Variants in ATP8A2 observed in about 807,000 individuals in gnomAD.
ATP8A2 encodes the protein ATPase phospholipid transporting 8A2, also known as phospholipid-transporting ATPase IB.
A neutral mutation model predicts 165.6 loss-of-function variants in ATP8A2; 100 were observed. The ratio of observed to expected loss-of-function variants is 0.60; its 90% CI spans 0.51 to 0.71. The LOEUF is 0.71. Ranked by LOEUF, ATP8A2 falls within the 30% of genes least tolerant of loss-of-function variation. The pLI, the probability that ATP8A2 is intolerant of heterozygous loss-of-function variation, is 0.00. For synonymous variants in ATP8A2, 543 were observed against 548.8 expected (o/e 0.99, Z 0.15); for missense variants, 1,227 against 1,479.5 (o/e 0.83, Z 2.80).
intron 24 of ATP8A2, among the ~76,000 whole-genome samples, chr13:25,603,024 A>G (rs1593627043): frequency 1.3e-5 from 2 of 152,090 alleles, no homozygotes; most frequent in African/African-American, 4.8e-5. Flanking sequence ...GTGAGCCGAG[A>G]TCGTGCCACT....
chr13:25,757,519 G>GTGTGTGTGTGTGTT (rs1224724144), intron 25 of ATP8A2, among the ~76,000 whole-genome samples: 6 of 151,974 alleles, frequency 3.9e-5, no homozygotes, highest in African/African-American at 1.5e-4. Context: ...GTGTGTGTGT[G>GTGTGTGTGTGTGTT]TGTGTGCACA....
chr13:25,627,314 G>A (rs2137491088), intron 24 of ATP8A2, among the ~76,000 whole-genome samples: 1 of 152,278 alleles, frequency 6.6e-6, no homozygotes, highest in South Asian at 2.1e-4. Flanking sequence ...GCAGGGCCCT[G>A]TAGAACATGG....
intron 36 of ATP8A2, among the ~76,000 whole-genome samples, chr13:26,015,690 C>T (rs1254869076): frequency 2.6e-5 from 4 of 152,226 alleles, no homozygotes; most frequent in Non-Finnish European, 5.9e-5. Context: ...CCTCCTTTCA[C>T]CTACACGATT....
chr13:25,501,155 C>T (rs1358494571), intron 2 of ATP8A2, among the ~76,000 whole-genome samples: 18 of 152,110 alleles, frequency 1.2e-4, no homozygotes, highest in Non-Finnish European at 1.2e-4. Context: ...ACCTGGGATT[C>T]GTTTTAATCG....
chr13:25,520,259 G>C (rs944096222), intron 2 of ATP8A2, among the ~76,000 whole-genome samples: 3 of 152,146 alleles, frequency 2.0e-5, no homozygotes, highest in African/African-American at 7.2e-5. Context: ...ATATGAGTGA[G>C]AACATGTGAT....
At chr13:25,817,721 A>G (rs753370606) in intron 27 of ATP8A2, among the ~76,000 whole-genome samples, 2 of 149,514 alleles carry the variant, frequency 1.3e-5, no homozygotes, top group Non-Finnish European at 3.0e-5. Flanking sequence ...TTGAGATATG[A>G]TGTCATGGAG....
intron 1 of ATP8A2, chr13:25,468,770 G>C (rs1005703065): frequency 7.4e-4 from 698 of 945,134 alleles, no homozygotes; most frequent in Non-Finnish European, 8.3e-4. Flanking sequence ...GCGTGGGCGT[G>C]GGCGGGGCCG....
At chr13:25,499,865 C>T (rs918861567) in intron 2 of ATP8A2, among the ~76,000 whole-genome samples, 4 of 152,156 alleles carry the variant, frequency 2.6e-5, no homozygotes, top group East Asian at 1.9e-4. Flanking sequence ...GGAAGACCAA[C>T]GGGCAACTCA....
chr13:25,823,697 A>C (rs1951235496), intron 27 of ATP8A2, among the ~76,000 whole-genome samples: 2 of 152,054 alleles, frequency 1.3e-5, no homozygotes, highest in African/African-American at 4.8e-5. Flanking sequence ...AAAACTCATT[A>C]ATTTCTATAG....
At chr13:25,920,422 A>C (rs1350156366) in intron 33 of ATP8A2, among the ~76,000 whole-genome samples, 1 of 152,076 alleles carries the variant, frequency 6.6e-6, no homozygotes. Flanking sequence ...CACACATCCT[A>C]AGCTCGGCAC....
chr13:26,015,943 G>C (rs1200450397), intron 36 of ATP8A2, among the ~76,000 whole-genome samples: 1 of 152,232 alleles, frequency 6.6e-6, no homozygotes, highest in African/African-American at 2.4e-5. Context: ...CTGGGGAGCA[G>C]GTCTGTATCT....
intron 10 of ATP8A2, among the ~76,000 whole-genome samples, chr13:25,547,313 G>C (rs1004734342): frequency 6.6e-6 from 1 of 151,886 alleles, no homozygotes; most frequent in Non-Finnish European, 1.5e-5. Flanking sequence ...GCAAGCTAGT[G>C]AAGCTTCATC....
At chr13:25,534,525 G>T (rs1412903871) in intron 6 of ATP8A2, among the ~76,000 whole-genome samples, 4 of 152,184 alleles carry the variant, frequency 2.6e-5, no homozygotes, top group Admixed American at 2.0e-4. Flanking sequence ...AGAAAATGGA[G>T]TGATGGTCTC....
intron 33 of ATP8A2, among the ~76,000 whole-genome samples, chr13:25,889,575 T>C (rs1421199168): frequency 1.3e-5 from 2 of 151,846 alleles, no homozygotes; most frequent in African/African-American, 4.8e-5. Context: ...TTAGCTCTTT[T>C]CCTGTTAGAT....
chr13:25,951,897 G>T (rs1018741567), intron 33 of ATP8A2, among the ~76,000 whole-genome samples: 12 of 152,152 alleles, frequency 7.9e-5, no homozygotes, highest in Admixed American at 5.9e-4. Context: ...TTAGGTGGTT[G>T]CTCAATCTCA....
chr13:25,645,935 G>A (rs2041659312), intron 24 of ATP8A2, among the ~76,000 whole-genome samples: 1 of 152,050 alleles, frequency 6.6e-6, no homozygotes, highest in Non-Finnish European at 1.5e-5. Context: ...AAGTCCATTA[G>A]GTTTAAAGTG....
In ATP8A2 at chr13:26,025,777, T is replaced by G. The variant is rs973857278; in HGVS notation, c.*5792T>G. The G allele has an allele frequency of 6.6e-6, 1 of 152,290 alleles. No individual in the cohort carries two copies. The highest frequency in any genetic ancestry group is 6.5e-5 in the Admixed American group (1 of 15,292). 9.4% of individuals were successfully genotyped at this position (152,290 alleles called of 1,614,324 possible). ...GAAGTTTTGGGAGAATTTAGTGATT[T>G]GTGGCTTTGATCAATCCTGTTGACT... On this transcript the variant is annotated 3_prime_UTR_variant, in exon 37 of 37. Transcript: ENST00000381655.
intron 27 of ATP8A2, among the ~76,000 whole-genome samples, chr13:25,799,217 G>A (rs1042444521): frequency 1.3e-5 from 2 of 152,210 alleles, no homozygotes; most frequent in Non-Finnish European, 2.9e-5. Context: ...GAACTAGGAT[G>A]ATAAGGGTTA....
intron 24 of ATP8A2, among the ~76,000 whole-genome samples, chr13:25,625,388 A>G (rs2041075364): frequency 6.6e-6 from 1 of 152,250 alleles, no homozygotes; most frequent in Admixed American, 6.5e-5. Context: ...AAGCTTCCAC[A>G]CAACGTGAAG....
Sources: allele counts gnomAD v4.1 joint callset (sites outside exome capture counted in the v4.1 genomes callset), GRCh38; gene constraint gnomAD v4.1.1; transcripts MANE v1.5; gene names NCBI Gene and HGNC (gene_info 2026-07-23, HGNC 2026-07-21).